CARMIL1: variants seen among roughly 807,000 people sequenced by gnomAD.
CARMIL1 encodes F-actin-uncapping protein LRRC16A.
Under a neutral mutation model 177.1 loss-of-function variants are expected in CARMIL1, and 90 were observed. That is an observed-to-expected ratio of 0.51 (90% confidence interval 0.43 to 0.61). The LOEUF (loss-of-function observed/expected upper bound fraction) is 0.61. Ranked by LOEUF, CARMIL1 falls within the 20% of genes least tolerant of loss-of-function variation. CARMIL1 has a pLI of 0.00. For synonymous variants in CARMIL1, 577 were observed against 606.2 expected (o/e 0.95, Z 0.71); for missense variants, 1,380 against 1,667.0 (o/e 0.83, Z 3.00).
chr6:25,601,671 A>G (rs1162829364), intron 33 of CARMIL1, among the ~76,000 whole-genome samples: 2 of 152,190 alleles, frequency 1.3e-5, no homozygotes, highest in Admixed American at 1.3e-4. Flanking sequence ...TTGACCATTG[A>G]TATATATCAT....
intron 11 of CARMIL1, among the ~76,000 whole-genome samples, chr6:25,475,746 G>A (rs1256525959): frequency 2.0e-5 from 3 of 152,200 alleles, no homozygotes; most frequent in Non-Finnish European, 4.4e-5. Flanking sequence ...GGAAGAGGAA[G>A]AATGAATTTG....
At chr6:25,445,536 CTTTT>C (rs1191252796) in intron 5 of CARMIL1, among the ~76,000 whole-genome samples, 1 of 136,622 alleles carries the variant, frequency 7.3e-6, no homozygotes, top group Non-Finnish European at 1.6e-5. Context: ...AAATATATTT[CTTTT>C]TTTTTTTTTT....
intron 35 of CARMIL1, 111 bp downstream of exon 35, chr6:25,606,384 G>A: frequency 2.2e-6 from 2 of 913,766 alleles, no homozygotes; most frequent in Admixed American, 2.8e-5. Context: ...AGGTACAGCG[G>A]CTTCTGCAGG....
At chr6:25,296,479 G>A (rs1782372612) in intron 2 of CARMIL1, among the ~76,000 whole-genome samples, 1 of 152,192 alleles carries the variant, frequency 6.6e-6, no homozygotes, top group African/African-American at 2.4e-5. Context: ...CTTATTTGCT[G>A]TCTCAGAAAA....
At chr6:25,364,404 T>C (rs2150405485) in intron 2 of CARMIL1, among the ~76,000 whole-genome samples, 1 of 152,306 alleles carries the variant, frequency 6.6e-6, no homozygotes, top group South Asian at 2.1e-4. Flanking sequence ...TTTATAACCA[T>C]AGCCAACTCT....
rs372376319 is a variant in CARMIL1 at position 25,472,551 on chromosome 6, C to T, written c.874+30C>T. 2.6e-5 allele frequency: 39 copies of T among 1,486,876 alleles called. No homozygotes were observed. The African/African-American group carries it at 5.3e-4, about 20-fold the overall frequency. 92.1% of individuals were successfully genotyped at this position (1,486,876 alleles called of 1,614,324 possible). On this transcript the variant is annotated intron_variant, in intron 11 of 36. Coordinates refer to ENST00000329474, the MANE Select transcript of CARMIL1 (RefSeq NM_017640.6). ...TGCAGAGTTCTCATTATCATTGATGCCAGAATTGTAAGAGGATTAGAGAAT... is the reference window on the plus strand; with the variant it reads ...TGCAGAGTTCTCATTATCATTGATGTCAGAATTGTAAGAGGATTAGAGAAT...
intron 24 of CARMIL1, among the ~76,000 whole-genome samples, chr6:25,531,809 C>T (rs758268216): frequency 7.2e-5 from 11 of 152,140 alleles, no homozygotes; most frequent in South Asian, 2.1e-4. Flanking sequence ...CTCACTCTGT[C>T]GCCCAGGCTG....
At chr6:25,506,476 G>T (rs773136100) in intron 17 of CARMIL1, among the ~76,000 whole-genome samples, 2 of 152,204 alleles carry the variant, frequency 1.3e-5, no homozygotes, top group African/African-American at 4.8e-5. Flanking sequence ...AACCTGGGAG[G>T]TAGGGGTTGC....
intron 10 of CARMIL1, 121 bp from the exon 11 acceptor site, chr6:25,472,306 A>G (rs1801159587): frequency 1.5e-6 from 1 of 670,688 alleles, no homozygotes; most frequent in Non-Finnish European, 2.6e-6. Flanking sequence ...TATATGCTAT[A>G]TAGACTAATA....
chr6:25,580,760 A>C (rs1326371953), intron 29 of CARMIL1, among the ~76,000 whole-genome samples, 164 bp from the exon 30 acceptor site: 1 of 152,196 alleles, frequency 6.6e-6, no homozygotes, highest in African/African-American at 2.4e-5. Flanking sequence ...GAAATTGTAA[A>C]CATTTAGAAA....
At position 25,284,910 on chromosome 6, in the gene CARMIL1, G is replaced by T; in HGVS notation, c.138+1G>T. On this transcript the variant is annotated splice_donor_variant, in intron 2 of 36. Coordinates refer to ENST00000329474, the MANE Select transcript of CARMIL1 (RefSeq NM_017640.6). LOFTEE classifies it high-confidence loss of function. ...AGACAAAGTTGAAAACAAAGTGCTG[G>T]TAAGTATTGCTGTTTATTTTTATTA... The T allele has an allele frequency of 6.6e-7, 1 of 1,512,258 alleles. No homozygotes were observed. The highest frequency in any genetic ancestry group is 9.0e-7 in the Non-Finnish European group (1 of 1,107,066). 93.7% of individuals were successfully genotyped at this position (1,512,258 alleles called of 1,614,324 possible). A position where few individuals can be genotyped will look rare whatever the true frequency, so the allele number is the denominator to read the frequency against.
intron 17 of CARMIL1, among the ~76,000 whole-genome samples, chr6:25,500,680 A>G (rs1582161455): frequency 6.6e-6 from 1 of 152,192 alleles, no homozygotes; most frequent in Non-Finnish European, 1.5e-5. Context: ...GAAAATTAAC[A>G]TACCTCTAGA....
At chr6:25,312,484 G>A (rs998563227) in intron 2 of CARMIL1, among the ~76,000 whole-genome samples, 1 of 152,070 alleles carries the variant, frequency 6.6e-6, no homozygotes, top group Non-Finnish European at 1.5e-5. Flanking sequence ...AAACTCCATG[G>A]ATGTAAGAAA....
At chr6:25,279,961 T>C in intron 1 of CARMIL1, 126 bp downstream of exon 1, 1 of 1,124,058 alleles carries the variant, frequency 8.9e-7, no homozygotes, top group Non-Finnish European at 1.4e-6. Context: ...AGAGTGGTGT[T>C]GGGCAGGGTC....
At chr6:25,468,233 G>A (rs973574491) in intron 9 of CARMIL1, among the ~76,000 whole-genome samples, 1 of 151,676 alleles carries the variant, frequency 6.6e-6, no homozygotes, top group Non-Finnish European at 1.5e-5. Context: ...TATGCAATTA[G>A]GACCATGTTT....
intron 3 of CARMIL1, among the ~76,000 whole-genome samples, chr6:25,421,255 C>G (rs1795826174): frequency 6.6e-6 from 1 of 151,878 alleles, no homozygotes; most frequent in Admixed American, 6.6e-5. Context: ...TTTATGCAGC[C>G]AAAAAACACA....
At chr6:25,314,875 A>T (rs1187993581) in intron 2 of CARMIL1, among the ~76,000 whole-genome samples, 1 of 152,200 alleles carries the variant, frequency 6.6e-6, no homozygotes, top group African/African-American at 2.4e-5. Flanking sequence ...AGTCAGAAAA[A>T]TAGCAGCAAA....
At chr6:25,333,226 G>T (rs533060993) in intron 2 of CARMIL1, among the ~76,000 whole-genome samples, 254 of 152,312 alleles carry the variant, frequency 1.7e-3, no homozygotes, top group Non-Finnish European at 2.7e-3. Context: ...TAAATTTAAA[G>T]AAAGAAATTT....
At chr6:25,490,758 A>T (rs1180252532) in intron 13 of CARMIL1, among the ~76,000 whole-genome samples, 1 of 148,620 alleles carries the variant, frequency 6.7e-6, no homozygotes, top group African/African-American at 2.5e-5. Flanking sequence ...AATAAAAAAA[A>T]ATAAATGTCA....
Sources: gnomAD v4.1 joint callset for allele counts (sites outside exome capture counted in the v4.1 genomes callset) on GRCh38, gnomAD v4.1.1 for gene constraint, MANE v1.5 for transcripts, NCBI Gene and HGNC (gene_info 2026-07-23, HGNC 2026-07-21) for gene names.